The following SORCS2 variants were observed in gnomAD, a reference collection of about 807,000 sequenced individuals.
SORCS2 encodes VPS10 domain-containing receptor SorCS2.
Under a neutral mutation model 141.6 loss-of-function variants are expected in SORCS2, and 100 were observed. The ratio of observed to expected loss-of-function variants is 0.71; its 90% CI spans 0.60 to 0.83. The LOEUF is 0.83. Ranked by LOEUF, SORCS2 falls within the 40% of genes least tolerant of loss-of-function variation. The pLI is 0.00. For missense variants in SORCS2, 1,646 were observed against 1,560.2 expected (o/e 1.05, Z -0.93); for synonymous variants, 789 against 676.9 (o/e 1.17, Z -2.57).
intron 1 of SORCS2, among the ~76,000 whole-genome samples, chr4:7,385,804 G>A (rs926062719): frequency 2.0e-5 from 3 of 152,232 alleles, no homozygotes; most frequent in African/African-American, 7.2e-5. Flanking sequence ...TGCCAAGCCA[G>A]CCTTGGCCAC....
intron 1 of SORCS2, among the ~76,000 whole-genome samples, chr4:7,272,769 C>T (rs56132577): frequency 0.091 from 13,789 of 152,344 alleles, 835 homozygotes; most frequent in East Asian, 0.2. Flanking sequence ...AATCAGATCT[C>T]GCGCTTCAGG....
chr4:7,694,584 C>T (rs563482376), intron 11 of SORCS2, among the ~76,000 whole-genome samples: 9 of 152,368 alleles, frequency 5.9e-5, no homozygotes, highest in Admixed American at 4.6e-4. Context: ...TGCCCGGCTC[C>T]GCCTGTGATG....
intron 1 of SORCS2, among the ~76,000 whole-genome samples, chr4:7,239,074 C>T (rs577197258): frequency 6.6e-6 from 1 of 152,384 alleles, no homozygotes; most frequent in East Asian, 1.9e-4. Flanking sequence ...CCCCCGTCCT[C>T]TTGGCCTCTG....
intron 1 of SORCS2, among the ~76,000 whole-genome samples, chr4:7,231,840 G>A (rs6834317): frequency 0.067 from 10,211 of 152,248 alleles, 424 homozygotes; most frequent in East Asian, 0.22. Flanking sequence ...CTGAGGGCAC[G>A]AGGACAAGGA....
intron 1 of SORCS2, among the ~76,000 whole-genome samples, chr4:7,308,357 C>T (rs2108914721): frequency 6.6e-6 from 1 of 152,266 alleles, no homozygotes; most frequent in Admixed American, 6.5e-5. Flanking sequence ...TGAGCAGCTT[C>T]TCCTCTGGTC....
At chr4:7,198,194 G>A (rs996750764) in intron 1 of SORCS2, among the ~76,000 whole-genome samples, 6 of 152,284 alleles carry the variant, frequency 3.9e-5, no homozygotes, top group East Asian at 1.9e-4. Context: ...GTGGCTGGGC[G>A]CACAGGACGT....
intron 1 of SORCS2, among the ~76,000 whole-genome samples, chr4:7,318,022 C>G (rs1718671633): frequency 6.6e-6 from 1 of 152,206 alleles, no homozygotes; most frequent in South Asian, 2.1e-4. Context: ...ACTGTCCAGC[C>G]TGTTTGATGT....
At chr4:7,207,519 G>A (rs975457109) in intron 1 of SORCS2, among the ~76,000 whole-genome samples, 29 of 152,164 alleles carry the variant, frequency 1.9e-4, no homozygotes, top group African/African-American at 7.0e-4. Context: ...AGCTGGGGCC[G>A]GCTCCCCAGT....
intron 3 of SORCS2, among the ~76,000 whole-genome samples, chr4:7,589,158 G>A (rs546408003): frequency 2.0e-5 from 3 of 152,298 alleles, no homozygotes; most frequent in South Asian, 2.1e-4. Context: ...AGAGTTTGGC[G>A]TTTCCTGGTA....
chr4:7,504,733 C>T (rs898886044), intron 2 of SORCS2, among the ~76,000 whole-genome samples: 12 of 152,190 alleles, frequency 7.9e-5, no homozygotes, highest in Admixed American at 6.5e-4. Flanking sequence ...AGCTTGAACA[C>T]GGGGACCGCA....
chr4:7,394,203 G>A (rs1262038560), intron 1 of SORCS2, among the ~76,000 whole-genome samples: 1 of 152,122 alleles, frequency 6.6e-6, no homozygotes, highest in African/African-American at 2.4e-5. Context: ...GCCTCTGCCC[G>A]ACTTCACTGC....
intron 3 of SORCS2, among the ~76,000 whole-genome samples, chr4:7,553,091 G>T (rs372362017): frequency 3.9e-5 from 6 of 152,130 alleles, no homozygotes; most frequent in Non-Finnish European, 8.8e-5. Context: ...TGATGTGGAG[G>T]GGGCGCTAAG....
Position 7,411,944 on chromosome 4 carries a change from C to A in SORCS2, c.548+15589C>A, listed in dbSNP as rs1725349409. Among the ~76,000 whole-genome samples the A allele has an allele frequency of 3.9e-5, 6 of 152,224 alleles. No individual in the cohort carries two copies. The South Asian group carries it at 1.0e-3, about 26-fold the overall frequency. On this transcript the variant is annotated intron_variant, in intron 2 of 26. Coordinates refer to ENST00000507866, the MANE Select transcript of SORCS2 (RefSeq NM_020777.3). ...TTTCAACACTGCTACAGCCACGATG[C>A]CTCTTTGTGTCTGCTCCCAGCCCAG...
chr4:7,605,600 T>C (rs1161075100), intron 3 of SORCS2, among the ~76,000 whole-genome samples: 7 of 152,200 alleles, frequency 4.6e-5, no homozygotes, highest in East Asian at 1.9e-4. Flanking sequence ...GCTTTATTGC[T>C]GTTTCCCTAT....
At chr4:7,266,790 C>T (rs955218728) in intron 1 of SORCS2, among the ~76,000 whole-genome samples, 1 of 152,228 alleles carries the variant, frequency 6.6e-6, no homozygotes, top group Non-Finnish European at 1.5e-5. Context: ...ACTCTGGCCA[C>T]GTTCTGCCTC....
chr4:7,546,868 T>A lies in SORCS2; in HGVS notation c.648+15239T>A, dbSNP rs749963308. 2.4e-4 allele frequency among the ~76,000 whole-genome samples: 37 copies of A among 152,226 alleles called. 1 individual carries two copies. The highest frequency in any genetic ancestry group is 1.3e-4 in the Admixed American group (2 of 15,290). ...ACATATTAGAAAACTGACAAATCAC[T>A]TTCTTATCCCTTGTGCAGTAGGGAC... On this transcript the variant is annotated intron_variant, in intron 3 of 26. Transcript: ENST00000507866.
At chr4:7,257,863 G>A (rs949435026) in intron 1 of SORCS2, among the ~76,000 whole-genome samples, 1 of 152,200 alleles carries the variant, frequency 6.6e-6, no homozygotes, top group Non-Finnish European at 1.5e-5. Context: ...GAGAGGCGCC[G>A]ACAGGAGATG....
At chr4:7,299,476 A>C (rs913701654) in intron 1 of SORCS2, among the ~76,000 whole-genome samples, 3 of 152,242 alleles carry the variant, frequency 2.0e-5, no homozygotes, top group Non-Finnish European at 4.4e-5. Context: ...GGAACATCAA[A>C]GAACAGCTGG....
In SORCS2 at chr4:7,674,782, G is replaced by A. The variant is rs1478822810; in HGVS notation, c.1162-1268G>A. 1.5e-4 allele frequency among the ~76,000 whole-genome samples: 23 copies of A among 149,426 alleles called. No individual in the cohort carries two copies. In the South Asian group the frequency reaches 2.6e-3, roughly 17 times the overall value. ...AAACTGAGCTCCACTGGACAGAATC[G>A]GGATTTGATCTGTTATTGTACAGAA... On this transcript the variant is annotated intron_variant, in intron 8 of 26. Coordinates refer to ENST00000507866, the MANE Select transcript of SORCS2 (RefSeq NM_020777.3).
Sources: gnomAD v4.1 joint callset for allele counts (sites outside exome capture counted in the v4.1 genomes callset) on GRCh38, gnomAD v4.1.1 for gene constraint, MANE v1.5 for transcripts, NCBI Gene and HGNC (gene_info 2026-07-23, HGNC 2026-07-21) for gene names.